CCDC175: variants seen among roughly 807,000 people sequenced by gnomAD.
CCDC175 encodes coiled-coil domain-containing protein 175.
CCDC175 carries 100 observed loss-of-function variants against 114.6 expected under a neutral mutation model. The ratio of observed to expected loss-of-function variants is 0.87; its 90% CI spans 0.74 to 1.03. The LOEUF is 1.03. CCDC175 is among the 50% of genes least tolerant of loss of function. The pLI, the probability that CCDC175 is intolerant of heterozygous loss-of-function variation, is 0.00. For synonymous variants in CCDC175, 306 were observed against 308.7 expected (o/e 0.99, Z 0.09); for missense variants, 880 against 917.8 (o/e 0.96, Z 0.53).
In CCDC175 at chr14:59,575,021, T is replaced by C; in HGVS notation, c.165A>G (p.Ser55=). Residue 55 remains serine, a synonymous_variant, in exon 2 of 20, where the codon TCA becomes TCG. Transcript: ENST00000537690. ...TACATTTAAAATAGTCACTTTGCAG[T>C]GATTGTTCTGAAAAAAAAATTAGAA... ...ALEQLFVVEQ[S]LQSDYFKCNE... is the part of the protein sequence containing the mutation. The C allele has an allele frequency of 6.8e-7, 1 of 1,475,070 alleles. No individual in the cohort carries two copies. The highest frequency in any genetic ancestry group is 9.0e-7 in the Non-Finnish European group (1 of 1,112,184). 91.4% of individuals were successfully genotyped at this position (1,475,070 alleles called of 1,614,324 possible). A position where few individuals can be genotyped will look rare whatever the true frequency, so the allele number is the denominator to read the frequency against.
At position 59,525,803 on chromosome 14, in the gene CCDC175, GACA is replaced by G. The variant is rs531275802; in HGVS notation, c.1843-372_1843-370del. Among the ~76,000 whole-genome samples, 670 of 152,262 alleles carry G rather than the reference GACA, an allele frequency of 4.4e-3. 2 individuals carry two copies. The highest frequency in any genetic ancestry group is 0.015 in the African/African-American group (630 of 41,560). On this transcript the variant is annotated intron_variant, in intron 15 of 19. Transcript: ENST00000537690. ...ATACAAATAATAAACAATACAGTAT[GACA>G]ACTACTAACATAGCATTTACATTAT... is the stretch of plus-strand genomic sequence containing the variant.
intron 13 of CCDC175, among the ~76,000 whole-genome samples, chr14:59,534,215 G>A (rs1292688400): frequency 1.3e-5 from 2 of 152,032 alleles, no homozygotes; most frequent in East Asian, 3.9e-4. Flanking sequence ...CTTGCCTGTG[G>A]GCTCAGGTTG....
At chr14:59,532,574 T>C (rs1446748180) in intron 13 of CCDC175, among the ~76,000 whole-genome samples, 1 of 152,202 alleles carries the variant, frequency 6.6e-6, no homozygotes, top group Non-Finnish European at 1.5e-5. Context: ...GGCTAGAGTG[T>C]GGTTTCTGGC....
At chr14:59,543,765 T>C (rs1009934826) in intron 9 of CCDC175, among the ~76,000 whole-genome samples, 2 of 152,282 alleles carry the variant, frequency 1.3e-5, no homozygotes, top group Admixed American at 6.5e-5. Flanking sequence ...AAGTGCTGGA[T>C]TACAGGCGTG....
chr14:59,555,020 A>C (rs9796477), intron 7 of CCDC175, among the ~76,000 whole-genome samples: 88,410 of 151,966 alleles, frequency 0.58, 26,698 homozygotes, highest in East Asian at 0.83. Context: ...GATTCACAGC[A>C]GAATTCTACC....
chr14:59,551,116 C>A, intron 8 of CCDC175: 3 of 320,006 alleles, frequency 9.4e-6, no homozygotes, highest in Non-Finnish European at 1.7e-5. Flanking sequence ...CCTAAGGTAC[C>A]CATACTCACA....
intron 13 of CCDC175, among the ~76,000 whole-genome samples, chr14:59,536,551 C>T (rs765594209): frequency 1.3e-5 from 2 of 151,690 alleles, no homozygotes; most frequent in Non-Finnish European, 1.5e-5. Context: ...CTTTCCACCC[C>T]GCCTCCTCTC....
chr14:59,533,987 T>TAA (rs3084296), intron 13 of CCDC175, among the ~76,000 whole-genome samples: 9,850 of 133,496 alleles, frequency 0.074, 507 homozygotes, highest in African/African-American at 0.13. Flanking sequence ...AGACCCCTTT[T>TAA]AAAAAAAAAA....
intron 18 of CCDC175, among the ~76,000 whole-genome samples, chr14:59,511,160 T>C (rs1268260017): frequency 1.3e-5 from 2 of 152,192 alleles, no homozygotes; most frequent in Non-Finnish European, 2.9e-5. Context: ...GGATCTGGGT[T>C]GTAAATTCCC....
intron 14 of CCDC175, among the ~76,000 whole-genome samples, chr14:59,528,186 C>G (rs1298255820): frequency 6.6e-6 from 1 of 152,070 alleles, no homozygotes; most frequent in Non-Finnish European, 1.5e-5. Flanking sequence ...ATAACTTCTA[C>G]TATAATATTG....
chr14:59,505,310 T>C lies in CCDC175; in HGVS notation c.2311A>G (p.Lys771Glu), dbSNP rs1247159303. 6.7e-7 allele frequency: 1 copy of C among 1,484,328 alleles called. No individual in the cohort carries two copies. The highest frequency in any genetic ancestry group is 9.0e-7 in the Non-Finnish European group (1 of 1,108,836). The allele number at this position is 1,484,328 out of a possible 1,614,324, so 91.9% of individuals were successfully genotyped here. ...QESPMDLLKKKKHIRTRVHFP... is the reference protein window; with the variant it reads ...QESPMDLLKKEKHIRTRVHFP... ...TGAACCCTTGTACGAATGTGTTTCT[T>C]CTTCTCTGTAGGAATAAAAAATAAA... Residue 771 changes from lysine (K) to glutamate (E), a missense_variant, in exon 20 of 20, where the codon AAG becomes GAG. Physicochemically the swap from Lys to Glu is moderately conservative, Grantham distance 56. Coordinates refer to ENST00000537690, the MANE Select transcript of CCDC175 (RefSeq NM_001164399.2).
chr14:59,517,825 A>C (rs1342619415), intron 17 of CCDC175, among the ~76,000 whole-genome samples: 1 of 152,290 alleles, frequency 6.6e-6, no homozygotes, highest in African/African-American at 2.4e-5. Context: ...AACTACTTTA[A>C]AGTTCATATG....
At chr14:59,547,245 C>CA (rs1215744166) in intron 8 of CCDC175, among the ~76,000 whole-genome samples, 2 of 152,164 alleles carry the variant, frequency 1.3e-5, no homozygotes, top group African/African-American at 4.8e-5. Context: ...AGATCTAAAA[C>CA]AAAAGACATA....
chr14:59,554,029 C>T (rs1895704697), intron 7 of CCDC175, among the ~76,000 whole-genome samples: 1 of 152,122 alleles, frequency 6.6e-6, no homozygotes. Context: ...TACTTTAACA[C>T]CCCACTGTCA....
At chr14:59,528,919 A>G (rs940311790) in intron 14 of CCDC175, among the ~76,000 whole-genome samples, 1 of 152,066 alleles carries the variant, frequency 6.6e-6, no homozygotes, top group African/African-American at 2.4e-5. Context: ...CAATATATTT[A>G]TTTCTCTAAG....
intron 13 of CCDC175, among the ~76,000 whole-genome samples, chr14:59,536,089 C>T (rs1434885862): frequency 1.3e-5 from 2 of 152,274 alleles, no homozygotes; most frequent in Admixed American, 1.3e-4. Context: ...AGATACTTCT[C>T]CCTAATATAC....
chr14:59,516,632 C>A (rs1324348830), intron 17 of CCDC175, among the ~76,000 whole-genome samples: 1 of 152,176 alleles, frequency 6.6e-6, no homozygotes, highest in Non-Finnish European at 1.5e-5. Context: ...GAAGTTGAAT[C>A]TCTGAATAGA....
chr14:59,576,218 A>G (rs1415681923), intron 1 of CCDC175, among the ~76,000 whole-genome samples: 2 of 152,204 alleles, frequency 1.3e-5, no homozygotes, highest in African/African-American at 2.4e-5. Context: ...TTTGCTTGTT[A>G]AATTCTCCAG....
At chr14:59,556,212 A>G (rs1438677153) in intron 7 of CCDC175, among the ~76,000 whole-genome samples, 1 of 152,228 alleles carries the variant, frequency 6.6e-6, no homozygotes, top group Non-Finnish European at 1.5e-5. Flanking sequence ...TTCAAACTAT[A>G]CTACAAGGCT....
Sources: gnomAD v4.1 joint callset for allele counts (sites outside exome capture counted in the v4.1 genomes callset) on GRCh38, gnomAD v4.1.1 for gene constraint, MANE v1.5 for transcripts, NCBI Gene and HGNC (gene_info 2026-07-23, HGNC 2026-07-21) for gene names.